PPP1R16B: variants seen among roughly 807,000 people sequenced by gnomAD.
PPP1R16B encodes protein phosphatase 1 regulatory subunit 16B.
A neutral mutation model predicts 61.7 loss-of-function variants in PPP1R16B; 14 were observed. The observed-to-expected ratio is 0.23, with a 90% confidence interval of 0.15 to 0.35. PPP1R16B has a LOEUF of 0.35. PPP1R16B is among the 10% of genes least tolerant of loss of function. The pLI is 1.00. For synonymous variants in PPP1R16B, 266 were observed against 305.3 expected (o/e 0.87, Z 1.34); for missense variants, 547 against 752.5 (o/e 0.73, Z 3.19).
chr20:38,912,274 G>A (rs1163243736), intron 10 of PPP1R16B, among the ~76,000 whole-genome samples: 2 of 150,982 alleles, frequency 1.3e-5, no homozygotes, highest in Non-Finnish European at 3.0e-5. Context: ...TAATTTTTGT[G>A]TTTTAGTAGA....
chr20:38,815,417 G>A (rs368078117), intron 1 of PPP1R16B, among the ~76,000 whole-genome samples: 63 of 152,284 alleles, frequency 4.1e-4, no homozygotes, highest in African/African-American at 1.3e-3. Context: ...GTTTCTTGAT[G>A]ATGGCTAAGA....
chr20:38,894,342 C>T (rs577364538), intron 3 of PPP1R16B, among the ~76,000 whole-genome samples: 3 of 152,290 alleles, frequency 2.0e-5, no homozygotes, highest in Admixed American at 1.3e-4. Flanking sequence ...CTTCTGTTGG[C>T]GTCTGGACTC....
At chr20:38,854,993 T>C (rs763694608) in intron 2 of PPP1R16B, among the ~76,000 whole-genome samples, 30 of 152,344 alleles carry the variant, frequency 2.0e-4, no homozygotes, top group African/African-American at 6.3e-4. Flanking sequence ...TTAGTATGAA[T>C]GAGTCAGCAC....
chr20:38,847,419 C>A (rs1481869375), intron 2 of PPP1R16B, among the ~76,000 whole-genome samples: 1 of 152,144 alleles, frequency 6.6e-6, no homozygotes, highest in Non-Finnish European at 1.5e-5. Context: ...TGCAGTGGCA[C>A]AATCTTGGCT....
Position 38,907,994 on chromosome 20 carries a change from G to T in PPP1R16B, c.1029-34G>T. 6.2e-7 allele frequency: 1 copy of T among 1,613,980 alleles called. No homozygotes were observed. Among genetic ancestry groups the T allele is most frequent in the Non-Finnish European group, 8.5e-7 (1 of 1,179,908 alleles). ...TGTGTGCTCCTGCCTGTGGTGCCTG[G>T]GTGCAGCCTCTAGGACCCACTTTGT... On this transcript the variant is annotated intron_variant, in intron 9 of 10. Coordinates refer to ENST00000299824, the MANE Select transcript of PPP1R16B (RefSeq NM_015568.4). The surrounding 1 kb of genome is among the most constrained non-coding windows in gnomAD (Gnocchi z 4.5).
At chr20:38,869,855 C>T (rs759347849) in intron 2 of PPP1R16B, among the ~76,000 whole-genome samples, 17 of 152,062 alleles carry the variant, frequency 1.1e-4, no homozygotes, top group Non-Finnish European at 2.2e-4. Flanking sequence ...CTGCCCCACC[C>T]CCATCCCGCT....
intron 1 of PPP1R16B, among the ~76,000 whole-genome samples, chr20:38,830,780 T>TTG (rs2145716373): frequency 6.6e-6 from 1 of 152,342 alleles, no homozygotes; most frequent in South Asian, 2.1e-4. Flanking sequence ...GGCTTGTTCC[T>TTG]GTACTTTTGA....
chr20:38,912,672 C>T (rs1372960932), intron 10 of PPP1R16B, among the ~76,000 whole-genome samples: 1 of 151,406 alleles, frequency 6.6e-6, no homozygotes, highest in Non-Finnish European at 1.5e-5. Flanking sequence ...GAGGCGTGGT[C>T]TCTAAAAAAA....
intron 1 of PPP1R16B, among the ~76,000 whole-genome samples, chr20:38,835,349 C>G (rs1230242616): frequency 1.3e-5 from 2 of 152,136 alleles, no homozygotes; most frequent in Non-Finnish European, 2.9e-5. Flanking sequence ...CTCCCTGCAC[C>G]CCTTCTGATT....
intron 2 of PPP1R16B, among the ~76,000 whole-genome samples, chr20:38,867,202 G>A (rs759922483): frequency 5.3e-5 from 8 of 152,132 alleles, no homozygotes; most frequent in African/African-American, 7.2e-5. Context: ...GATGGTTAAA[G>A]CGATGTCCCC....
chr20:38,865,824 G>T (rs2085086991), intron 2 of PPP1R16B, among the ~76,000 whole-genome samples: 1 of 152,132 alleles, frequency 6.6e-6, no homozygotes, highest in Non-Finnish European at 1.5e-5. Context: ...CATCACCTTG[G>T]CTTTAAAAAG....
At chr20:38,878,204 C>T (rs1348689915) in intron 2 of PPP1R16B, among the ~76,000 whole-genome samples, 1 of 151,970 alleles carries the variant, frequency 6.6e-6, no homozygotes, top group Non-Finnish European at 1.5e-5. Context: ...ATGTGGTTAC[C>T]TTTAAAATTT....
intron 2 of PPP1R16B, among the ~76,000 whole-genome samples, chr20:38,857,525 C>T (rs1160443827): frequency 6.6e-6 from 1 of 152,086 alleles, no homozygotes; most frequent in Non-Finnish European, 1.5e-5. Context: ...AATTGTTTTG[C>T]ACTAAAAGGA....
At chr20:38,914,799 C>A (rs1347035774) in intron 10 of PPP1R16B, among the ~76,000 whole-genome samples, 1 of 152,140 alleles carries the variant, frequency 6.6e-6, no homozygotes, top group Non-Finnish European at 1.5e-5. Context: ...TCCCATGTAG[C>A]TGAGCCACAG....
At position 38,922,560 on chromosome 20, in the gene PPP1R16B, G is replaced by C. The variant is rs1052804616; in HGVS notation, c.*3894G>C. On this transcript the variant is annotated 3_prime_UTR_variant, in exon 11 of 11. Coordinates refer to ENST00000299824, the MANE Select transcript of PPP1R16B (RefSeq NM_015568.4). ...GCCCTCTCCCCAACAGGTCTCTCTTGTTGGCCAGAGGGCCTGCTTCCCATG... is the reference window on the plus strand; with the variant it reads ...GCCCTCTCCCCAACAGGTCTCTCTTCTTGGCCAGAGGGCCTGCTTCCCATG... 3 of 152,614 alleles carry C rather than the reference G, an allele frequency of 2.0e-5. No individual in the cohort carries two copies. The highest frequency in any genetic ancestry group is 6.5e-5 in the Admixed American group (1 of 15,284). 9.5% of individuals were successfully genotyped at this position (152,614 alleles called of 1,614,324 possible).
chr20:38,896,967 T>C (rs917505331), intron 4 of PPP1R16B, among the ~76,000 whole-genome samples: 1 of 151,984 alleles, frequency 6.6e-6, no homozygotes, highest in Non-Finnish European at 1.5e-5. Flanking sequence ...ACCAACATGG[T>C]GAAGTCCCAT....
rs563172319 is a variant in PPP1R16B, at chr20:38,907,510, T to C, written c.899-296T>C. Among the ~76,000 whole-genome samples the C allele has an allele frequency of 5.3e-5, 8 of 152,258 alleles. No homozygotes were observed. The East Asian group carries it at 1.5e-3, about 29-fold the overall frequency. ...AATTTATTGCTTGGGCTATGTGGGGTACCTGCTTGGGGACTCTTCTTGGAA... is the reference window on the plus strand; with the variant it reads ...AATTTATTGCTTGGGCTATGTGGGGCACCTGCTTGGGGACTCTTCTTGGAA... On this transcript the variant is annotated intron_variant, in intron 8 of 10. Coordinates refer to ENST00000299824, the MANE Select transcript of PPP1R16B (RefSeq NM_015568.4). The surrounding 1 kb of genome is among the most constrained non-coding windows in gnomAD (Gnocchi z 4.5).
intron 6 of PPP1R16B, among the ~76,000 whole-genome samples, chr20:38,905,561 T>C (rs2145777390): frequency 6.6e-6 from 1 of 152,314 alleles, no homozygotes; most frequent in South Asian, 2.1e-4. Flanking sequence ...TTGTTAGAAG[T>C]GAGTCACTCA....
At chr20:38,823,334 C>T (rs893834863) in intron 1 of PPP1R16B, among the ~76,000 whole-genome samples, 1 of 152,120 alleles carries the variant, frequency 6.6e-6, no homozygotes, top group Non-Finnish European at 1.5e-5. Context: ...TGGGAGTTAC[C>T]GGATGAAGTG....
Sources: gnomAD v4.1 joint callset for allele counts (sites outside exome capture counted in the v4.1 genomes callset) on GRCh38, gnomAD v4.1.1 for gene constraint, Gnocchi (gnomAD v3.1) non-coding constraint, MANE v1.5 for transcripts, NCBI Gene and HGNC (gene_info 2026-07-23, HGNC 2026-07-21) for gene names.